The following B3GALT1 variants were observed in gnomAD, a reference collection of about 807,000 sequenced individuals.
The protein encoded by B3GALT1 is UDP-Gal:betaGlcNAc beta 1,3-galactosyltransferase, polypeptide 1.
In B3GALT1, 10 loss-of-function variants were observed where a neutral mutation model predicts 23.2. The observed-to-expected ratio is 0.43, with a 90% CI of 0.27 to 0.73. B3GALT1 has a LOEUF of 0.73. B3GALT1 is among the 30% of genes least tolerant of loss of function. The pLI is 0.21. For missense variants in B3GALT1, 299 were observed against 405.4 expected, an observed-to-expected ratio of 0.74 and a Z score of 2.25; for synonymous variants, 156 against 141.5, an observed-to-expected ratio of 1.10 and a Z score of -0.73.
chr2:167,739,906 C>T (rs1452617211), intron 3 of B3GALT1, among the ~76,000 whole-genome samples: 1 of 135,764 alleles, frequency 7.4e-6, no homozygotes, highest in Non-Finnish European at 1.5e-5. Context: ...CTCTGGGCAA[C>T]ACAGTAAGAA....
At chr2:167,857,612 G>A (rs1396730577) in intron 4 of B3GALT1, among the ~76,000 whole-genome samples, 2 of 152,068 alleles carry the variant, frequency 1.3e-5, no homozygotes, top group Admixed American at 6.6e-5. Flanking sequence ...GATTGGCAGC[G>A]GGGAGGACTG....
intron 4 of B3GALT1, among the ~76,000 whole-genome samples, chr2:167,846,810 C>T (rs1432701715): frequency 2.0e-5 from 3 of 152,122 alleles, no homozygotes; most frequent in East Asian, 3.8e-4. Context: ...TTAAAAGATA[C>T]AGAACCACAG....
chr2:167,300,404 C>A (rs1559059440), intron 1 of B3GALT1, among the ~76,000 whole-genome samples: 1 of 152,104 alleles, frequency 6.6e-6, no homozygotes, highest in Non-Finnish European at 1.5e-5. Flanking sequence ...TACATACAGA[C>A]AATCACAGTT....
chr2:167,844,231 G>C (rs1037488490), intron 4 of B3GALT1, among the ~76,000 whole-genome samples: 9 of 152,194 alleles, frequency 5.9e-5, no homozygotes, highest in African/African-American at 2.2e-4. Context: ...GAGGAGGCAA[G>C]GATCATCATG....
At chr2:167,394,576 A>C (rs1303644898) in intron 1 of B3GALT1, among the ~76,000 whole-genome samples, 1 of 152,030 alleles carries the variant, frequency 6.6e-6, no homozygotes, top group Non-Finnish European at 1.5e-5. Flanking sequence ...CCATCTTTTT[A>C]CTAGGAGCAA....
rs574353388 is a variant in B3GALT1 at position 167,573,973 on chromosome 2, A to G, written c.-409-72936A>G. The stretch of plus-strand genomic sequence containing the variant: ...ATTTATGAAAACAGAGATATGTAAG[A>G]GTAACAATATGGGATCCAATGCAAC... On this transcript the variant is annotated intron_variant, in intron 2 of 4. Transcript: ENST00000392690. Among the ~76,000 whole-genome samples, 7 of 151,828 alleles carry G rather than the reference A, an allele frequency of 4.6e-5. No homozygotes were observed. In the East Asian group the frequency reaches 1.2e-3, roughly 25 times the overall value.
intron 4 of B3GALT1, among the ~76,000 whole-genome samples, chr2:167,847,995 A>G (rs1029381910): frequency 6.6e-6 from 1 of 152,196 alleles, no homozygotes; most frequent in East Asian, 1.9e-4. Context: ...CCTAGAAGAG[A>G]TGGATAAATT....
intron 1 of B3GALT1, among the ~76,000 whole-genome samples, chr2:167,445,318 G>T (rs1323556321): frequency 2.0e-5 from 3 of 152,218 alleles, no homozygotes; most frequent in Non-Finnish European, 4.4e-5. Flanking sequence ...GTGCGATGTG[G>T]TGCTGAGAGG....
chr2:167,823,776 C>T (rs1021238667), intron 4 of B3GALT1, among the ~76,000 whole-genome samples: 1 of 152,176 alleles, frequency 6.6e-6, no homozygotes, highest in Non-Finnish European at 1.5e-5. Context: ...GCTGAATATG[C>T]TGTCAGCATA....
chr2:167,369,059 ATTTGTGTGTGTGTGTGTGTG>A lies in B3GALT1; in HGVS notation c.-511+75727_-511+75746del, dbSNP rs1313751807. Reference sequence around the variant, plus strand: ...TTTGTATTGGGAAGATAAAACTCTTATTTGTGTGTGTGTGTGTGTGTGTGTGTGTGTGTGTGTGTGTGTGT... The same window carrying A: ...TTTGTATTGGGAAGATAAAACTCTTATGTGTGTGTGTGTGTGTGTGTGTGT... On this transcript the variant is annotated intron_variant, in intron 1 of 4. Coordinates refer to ENST00000392690, the MANE Select transcript of B3GALT1 (RefSeq NM_020981.4). Among the ~76,000 whole-genome samples the A allele has an allele frequency of 3.7e-5, 5 of 135,334 alleles. No individual in the cohort carries two copies. In the East Asian group the frequency reaches 8.2e-4, roughly 22 times the overall value. The allele number at this position is 135,334 out of a possible 152,430, so 88.8% of individuals were successfully genotyped here.
intron 3 of B3GALT1, among the ~76,000 whole-genome samples, chr2:167,652,443 A>T (rs1685884795): frequency 6.6e-6 from 1 of 152,214 alleles, no homozygotes; most frequent in African/African-American, 2.4e-5. Context: ...CAGCATTGTG[A>T]GAATTAGAGA....
intron 1 of B3GALT1, among the ~76,000 whole-genome samples, chr2:167,396,762 A>AAGAGCC (rs1698105853): frequency 6.6e-6 from 1 of 151,960 alleles, no homozygotes; most frequent in Non-Finnish European, 1.5e-5. Context: ...CATGACCAAG[A>AAGAGCC]AGAGCCACAG....
chr2:167,731,101 C>T (rs1352022352), intron 3 of B3GALT1, among the ~76,000 whole-genome samples: 1 of 152,112 alleles, frequency 6.6e-6, no homozygotes, highest in Admixed American at 6.5e-5. Context: ...AACCACTAAA[C>T]CATAAGGATT....
intron 3 of B3GALT1, chr2:167,715,377 C>A (rs1422110923): frequency 6.2e-7 from 1 of 1,613,646 alleles, no homozygotes; most frequent in African/African-American, 1.3e-5. Context: ...TTCCATACTT[C>A]AGCTTCTCGC....
At chr2:167,622,912 T>C (rs1415292025) in intron 2 of B3GALT1, among the ~76,000 whole-genome samples, 1 of 152,038 alleles carries the variant, frequency 6.6e-6, no homozygotes, top group East Asian at 1.9e-4. Flanking sequence ...GACTATGGAG[T>C]GTGAACTGTA....
chr2:167,639,888 C>T (rs923560443), intron 2 of B3GALT1, among the ~76,000 whole-genome samples: 1 of 152,040 alleles, frequency 6.6e-6, no homozygotes, highest in African/African-American at 2.4e-5. Flanking sequence ...GATGTCAAAT[C>T]CCAAAGACCC....
chr2:167,444,412 C>G (rs1318692922), intron 1 of B3GALT1, among the ~76,000 whole-genome samples: 1 of 152,148 alleles, frequency 6.6e-6, no homozygotes, highest in Non-Finnish European at 1.5e-5. Flanking sequence ...CCCTTTTTTT[C>G]TATCGATTAG....
At chr2:167,804,904 T>A (rs1013730207) in intron 3 of B3GALT1, among the ~76,000 whole-genome samples, 4 of 152,224 alleles carry the variant, frequency 2.6e-5, no homozygotes, top group African/African-American at 9.6e-5. Context: ...ATCGCCACAC[T>A]GACTTCCACA....
intron 2 of B3GALT1, among the ~76,000 whole-genome samples, chr2:167,497,091 T>C (rs1213465189): frequency 6.6e-6 from 1 of 152,216 alleles, no homozygotes; most frequent in Non-Finnish European, 1.5e-5. Flanking sequence ...ATAGGCCATC[T>C]TTTAAATGAT....
Sources: gnomAD v4.1 joint callset for allele counts (sites outside exome capture counted in the v4.1 genomes callset) on GRCh38, gnomAD v4.1.1 for gene constraint, MANE v1.5 for transcripts, NCBI Gene and HGNC (gene_info 2026-07-23, HGNC 2026-07-21) for gene names.